Variants in CAMK1D observed in about 807,000 individuals in gnomAD.
CAMK1D encodes the protein calcium/calmodulin-dependent protein kinase type 1D.
In CAMK1D, 9 loss-of-function variants were observed where a neutral mutation model predicts 47.7. That is an observed-to-expected ratio of 0.19 (90% CI 0.11 to 0.33). The LOEUF (loss-of-function observed/expected upper bound fraction) is 0.33, where lower values mean the gene tolerates loss of function less well. Among genes scored for constraint, CAMK1D ranks in the 10% least tolerant of loss-of-function variants. CAMK1D has a pLI of 1.00. For missense variants in CAMK1D, 291 were observed against 488.7 expected, an observed-to-expected ratio of 0.60 and a Z score of 3.81; for synonymous variants, 184 against 184.9, an observed-to-expected ratio of 0.99 and a Z score of 0.04.
chr10:12,562,766 A>G (rs769425315), intron 2 of CAMK1D, among the ~76,000 whole-genome samples: 17 of 152,146 alleles, frequency 1.1e-4, no homozygotes, highest in Non-Finnish European at 2.1e-4. Context: ...TGACTGTGCC[A>G]TGGGATCTCT....
At chr10:12,499,899 C>T (rs575149799) in intron 1 of CAMK1D, among the ~76,000 whole-genome samples, 5 of 152,208 alleles carry the variant, frequency 3.3e-5, no homozygotes, top group South Asian at 2.1e-4. Flanking sequence ...GAGCCGTCCA[C>T]GGATCATTTA....
intron 2 of CAMK1D, among the ~76,000 whole-genome samples, chr10:12,623,771 A>G (rs967444505): frequency 1.3e-5 from 2 of 152,042 alleles, no homozygotes; most frequent in African/African-American, 4.8e-5. Context: ...AATGTTATTT[A>G]GAAACCCTTT....
At chr10:12,687,619 A>G (rs955831078) in intron 3 of CAMK1D, among the ~76,000 whole-genome samples, 1 of 152,250 alleles carries the variant, frequency 6.6e-6, no homozygotes, top group African/African-American at 2.4e-5. Context: ...GCATATGTAC[A>G]GCTCAGAAGT....
intron 1 of CAMK1D, among the ~76,000 whole-genome samples, chr10:12,439,986 G>A (rs1054491351): frequency 9.2e-5 from 14 of 152,276 alleles, no homozygotes; most frequent in East Asian, 3.9e-4. Flanking sequence ...TCACTACCAC[G>A]AGAACAGTAT....
Position 12,442,727 on chromosome 10 carries a change from T to C in CAMK1D, c.92+92817T>C, listed in dbSNP as rs79160675. ...AGGTTCTGAAAGGTTTTATATCGAG[T>C]GTTTTTTTCTTCTTTCCTAAGAAGG... On this transcript the variant is annotated intron_variant, in intron 1 of 10. Coordinates refer to ENST00000619168, the MANE Select transcript of CAMK1D (RefSeq NM_153498.4). Among the ~76,000 whole-genome samples the C allele has an allele frequency of 4.0e-3, 610 of 152,296 alleles. 8 individuals are homozygous for C. The East Asian group carries it at 0.056, about 14-fold the overall frequency.
At chr10:12,804,288 A>T (rs1838616207) in intron 6 of CAMK1D, among the ~76,000 whole-genome samples, 1 of 152,202 alleles carries the variant, frequency 6.6e-6, no homozygotes, top group Non-Finnish European at 1.5e-5. Context: ...TTTCTTGTTC[A>T]TCAAAGAATA....
intron 3 of CAMK1D, among the ~76,000 whole-genome samples, chr10:12,672,160 C>T (rs1840642107): frequency 6.6e-6 from 1 of 151,652 alleles, no homozygotes; most frequent in South Asian, 2.1e-4. Flanking sequence ...CGTGATCTGC[C>T]TGCCGCGGCC....
chr10:12,502,586 C>T (rs1215043145), intron 1 of CAMK1D, among the ~76,000 whole-genome samples: 1 of 152,234 alleles, frequency 6.6e-6, no homozygotes, highest in Admixed American at 6.5e-5. Context: ...CACTGTCACA[C>T]ACACTTCACC....
At chr10:12,591,092 T>C (rs1837980694) in intron 2 of CAMK1D, among the ~76,000 whole-genome samples, 1 of 152,236 alleles carries the variant, frequency 6.6e-6, no homozygotes. Context: ...AAAATTTCTT[T>C]ATGCCGCTTT....
chr10:12,670,952 C>A (rs1179749549), intron 3 of CAMK1D, among the ~76,000 whole-genome samples: 2 of 152,222 alleles, frequency 1.3e-5, no homozygotes, highest in Non-Finnish European at 1.5e-5. Flanking sequence ...CATTAGCAAT[C>A]ACTGTCAATT....
At chr10:12,648,257 G>C (rs79361391) in intron 2 of CAMK1D, among the ~76,000 whole-genome samples, 1,923 of 152,242 alleles carry the variant, frequency 0.013, 39 homozygotes, top group South Asian at 0.12. Flanking sequence ...TAGAATATTG[G>C]TTTCCAGATT....
intron 2 of CAMK1D, among the ~76,000 whole-genome samples, chr10:12,562,023 A>G (rs965104295): frequency 2.6e-4 from 39 of 152,010 alleles, no homozygotes; most frequent in African/African-American, 8.2e-4. Flanking sequence ...GTTCTTGTGG[A>G]TGTTAGTGTC....
intron 1 of CAMK1D, among the ~76,000 whole-genome samples, chr10:12,488,528 GGGGATGGTTTC>G (rs1333922360): frequency 6.6e-6 from 1 of 152,128 alleles, no homozygotes; most frequent in Non-Finnish European, 1.5e-5. Context: ...GACTGGGATG[GGGGATGGTTTC>G]GGGATGATTC....
intron 4 of CAMK1D, among the ~76,000 whole-genome samples, chr10:12,763,635 A>C (rs1325562454): frequency 6.6e-6 from 1 of 152,144 alleles, no homozygotes; most frequent in Non-Finnish European, 1.5e-5. Flanking sequence ...ACAGCTACAA[A>C]TGTCCCTAGG....
chr10:12,740,481 C>G (rs1443298014), intron 3 of CAMK1D, among the ~76,000 whole-genome samples: 1 of 152,142 alleles, frequency 6.6e-6, no homozygotes, highest in East Asian at 1.9e-4. Context: ...GCCTGTAGTC[C>G]CAGCTACTCG....
chr10:12,708,014 G>A (rs1387697159), intron 3 of CAMK1D, among the ~76,000 whole-genome samples: 3 of 152,218 alleles, frequency 2.0e-5, no homozygotes, highest in African/African-American at 7.2e-5. Context: ...TTGCCTAAGA[G>A]TGACCGAGGC....
intron 3 of CAMK1D, among the ~76,000 whole-genome samples, chr10:12,685,345 A>G (rs907515554): frequency 1.3e-5 from 2 of 152,222 alleles, no homozygotes; most frequent in African/African-American, 4.8e-5. Context: ...ACTCTGCTGT[A>G]CTAGAACCTT....
chr10:12,794,948 T>C (rs1420095146), intron 6 of CAMK1D, among the ~76,000 whole-genome samples: 1 of 152,226 alleles, frequency 6.6e-6, no homozygotes, highest in East Asian at 1.9e-4. Context: ...TGGTACTCTG[T>C]TGAGAGGCAT....
intron 2 of CAMK1D, among the ~76,000 whole-genome samples, chr10:12,583,820 C>T (rs200200520): frequency 1.3e-5 from 2 of 152,114 alleles, no homozygotes; most frequent in Non-Finnish European, 1.5e-5. Context: ...AGGATGGTCT[C>T]GATCTCCTGA....
Sources: allele counts gnomAD v4.1 joint callset (sites outside exome capture counted in the v4.1 genomes callset), GRCh38; gene constraint gnomAD v4.1.1; transcripts MANE v1.5; gene names NCBI Gene and HGNC (gene_info 2026-07-23, HGNC 2026-07-21).